ABCC4: variants seen among roughly 807,000 people sequenced by gnomAD.
ABCC4 encodes the protein ATP binding cassette subfamily C member 4 (PEL blood group).
In ABCC4, 102 loss-of-function variants were observed where a neutral mutation model predicts 168.5. That is an observed-to-expected ratio of 0.61 (90% CI 0.52 to 0.71). The LOEUF (loss-of-function observed/expected upper bound fraction) is 0.71, where lower values mean the gene tolerates loss of function less well. Among genes scored for constraint, ABCC4 ranks in the 30% least tolerant of loss-of-function variants. The pLI is 0.00. For missense variants in ABCC4, 1,402 were observed against 1,605.8 expected (o/e 0.87, Z 2.17); for synonymous variants, 617 against 590.7 (o/e 1.04, Z -0.65).
At chr13:95,172,079 T>C (rs963307816) in intron 13 of ABCC4, among the ~76,000 whole-genome samples, 2 of 152,218 alleles carry the variant, frequency 1.3e-5, no homozygotes, top group African/African-American at 4.8e-5. Context: ...CTTCCTAACA[T>C]CTTCCATTGT....
chr13:95,233,456 G>A (rs867654832), intron 4 of ABCC4, among the ~76,000 whole-genome samples: 2 of 152,068 alleles, frequency 1.3e-5, no homozygotes, highest in Non-Finnish European at 1.5e-5. Context: ...ATTGGGTACA[G>A]ATGGACATAA....
chr13:95,114,330 C>T (rs1441909295), intron 20 of ABCC4, among the ~76,000 whole-genome samples: 1 of 152,208 alleles, frequency 6.6e-6, no homozygotes, highest in Non-Finnish European at 1.5e-5. Flanking sequence ...ATTACGACCG[C>T]TCACTCTGCT....
At chr13:95,034,934 A>G (rs1311033720) in intron 29 of ABCC4, among the ~76,000 whole-genome samples, 195 bp from the exon 30 acceptor site, 1 of 152,186 alleles carries the variant, frequency 6.6e-6, no homozygotes, top group Non-Finnish European at 1.5e-5. Flanking sequence ...TATTACTATA[A>G]TGTTATAGGA....
intron 20 of ABCC4, among the ~76,000 whole-genome samples, chr13:95,108,248 G>A (rs1348723508): frequency 6.6e-6 from 1 of 152,124 alleles, no homozygotes; most frequent in Admixed American, 6.5e-5. Flanking sequence ...AAATATCATA[G>A]GCTCATATTA....
chr13:95,042,689 G>A (rs1293883968), intron 29 of ABCC4, among the ~76,000 whole-genome samples: 1 of 152,212 alleles, frequency 6.6e-6, no homozygotes, highest in Non-Finnish European at 1.5e-5. Flanking sequence ...TCAAGAAGAT[G>A]CTTGTGAACT....
At chr13:95,123,199 T>C (rs2035635839) in intron 19 of ABCC4, among the ~76,000 whole-genome samples, 2 of 152,168 alleles carry the variant, frequency 1.3e-5, no homozygotes, top group Non-Finnish European at 2.9e-5. Flanking sequence ...AAGTTTTCCT[T>C]CCTCTGGGTA....
At chr13:95,250,547 C>T (rs1439723186) in intron 1 of ABCC4, among the ~76,000 whole-genome samples, 3 of 152,012 alleles carry the variant, frequency 2.0e-5, no homozygotes, top group Admixed American at 1.3e-4. Flanking sequence ...ATAGCATAGT[C>T]GTGCTCAATG....
intron 4 of ABCC4, among the ~76,000 whole-genome samples, chr13:95,222,368 C>A (rs888834953): frequency 6.6e-6 from 1 of 152,222 alleles, no homozygotes; most frequent in Non-Finnish European, 1.5e-5. Flanking sequence ...TGAGCTAGGA[C>A]ACCACTTTCC....
rs559375917 is a variant in ABCC4, at chr13:95,097,439, G to C, written c.2536-14149C>G. On this transcript the variant is annotated intron_variant, in intron 20 of 30. Transcript: ENST00000645237. Reference sequence around the variant, plus strand: ...ACAACAAAGACTGTAAATACAGAGAGAGAGAGAGATACCAAGCAAAAACAC... The same window carrying C: ...ACAACAAAGACTGTAAATACAGAGACAGAGAGAGATACCAAGCAAAAACAC... Among the ~76,000 whole-genome samples, 5 of 152,142 alleles carry C rather than the reference G, an allele frequency of 3.3e-5. No individual in the cohort carries two copies. In the South Asian group the frequency reaches 1.0e-3, roughly 32 times the overall value.
intron 8 of ABCC4, among the ~76,000 whole-genome samples, chr13:95,205,551 C>A (rs1354351844): frequency 1.3e-5 from 2 of 152,198 alleles, no homozygotes; most frequent in Admixed American, 1.3e-4. Context: ...AATACTTGAG[C>A]ATACATTATG....
chr13:95,061,597 TGTGTGTGTG>T (rs1272268449), intron 26 of ABCC4, among the ~76,000 whole-genome samples: 3 of 15,892 alleles, frequency 1.9e-4, no homozygotes. Flanking sequence ...TATGTGTTTG[TGTGTGTGTG>T]TGTGTGTGTG....
chr13:95,041,505 G>T (rs7994050), intron 29 of ABCC4, among the ~76,000 whole-genome samples: 8,886 of 152,262 alleles, frequency 0.058, 900 homozygotes, highest in African/African-American at 0.2. Context: ...GATGACAATA[G>T]TGTTGGTTAT....
intron 19 of ABCC4, among the ~76,000 whole-genome samples, chr13:95,139,348 C>T (rs1219548270): frequency 6.6e-6 from 1 of 152,166 alleles, no homozygotes; most frequent in African/African-American, 2.4e-5. Flanking sequence ...TGATGTCAAT[C>T]AAAGGTGGGA....
At chr13:95,233,655 G>T (rs1261764107) in intron 4 of ABCC4, among the ~76,000 whole-genome samples, 2 of 151,946 alleles carry the variant, frequency 1.3e-5, no homozygotes. Flanking sequence ...TAAAATAAAA[G>T]ATGAAATTAT....
chr13:95,254,269 A>T (rs9590219), intron 1 of ABCC4, among the ~76,000 whole-genome samples: 2 of 152,136 alleles, frequency 1.3e-5, no homozygotes, highest in South Asian at 2.1e-4. Context: ...AATTTCTCAG[A>T]GTATTATATG....
chr13:95,183,082 T>TC (rs1416224232), intron 11 of ABCC4, among the ~76,000 whole-genome samples: 1 of 151,838 alleles, frequency 6.6e-6, no homozygotes, highest in East Asian at 1.9e-4. Flanking sequence ...GGACTTTTTT[T>TC]TTTTTTTTTG....
intron 1 of ABCC4, among the ~76,000 whole-genome samples, chr13:95,268,520 C>G (rs528582482): frequency 1.6e-5 from 2 of 124,668 alleles, no homozygotes; most frequent in South Asian, 2.3e-4. Context: ...GTCTCCTGCT[C>G]GTCCCTTGGC....
chr13:95,021,961 G>A (rs780844391), intron 30 of ABCC4, among the ~76,000 whole-genome samples: 6 of 152,218 alleles, frequency 3.9e-5, no homozygotes, highest in African/African-American at 7.2e-5. Context: ...ATTGATAAGC[G>A]GAATCATTTT....
intron 19 of ABCC4, among the ~76,000 whole-genome samples, chr13:95,124,203 C>T (rs931936564): frequency 3.9e-5 from 6 of 152,098 alleles, no homozygotes; most frequent in African/African-American, 1.4e-4. Flanking sequence ...GAGAGATGGA[C>T]GTTTTACACA....
Sources: allele counts gnomAD v4.1 joint callset (sites outside exome capture counted in the v4.1 genomes callset), GRCh38; gene constraint gnomAD v4.1.1; transcripts MANE v1.5; gene names NCBI Gene and HGNC (gene_info 2026-07-23, HGNC 2026-07-21).